Variants in PDS5A observed in about 807,000 individuals in gnomAD.
The protein encoded by PDS5A is PDS5 cohesin associated factor A, also known as sister chromatid cohesion protein PDS5 homolog A.
A neutral mutation model predicts 167.1 loss-of-function variants in PDS5A; 42 were observed. The observed-to-expected ratio is 0.25, with a 90% confidence interval of 0.20 to 0.33. The LOEUF (loss-of-function observed/expected upper bound fraction) is 0.33, where lower values mean the gene tolerates loss of function less well. Among genes scored for constraint, PDS5A ranks in the 10% least tolerant of loss-of-function variants. The probability of loss-of-function intolerance (pLI) is 1.00; values close to 1 mark genes in which losing one functional copy is unlikely to be tolerated. For synonymous variants in PDS5A, 553 were observed against 554.6 expected, an observed-to-expected ratio of 1.00 and a Z score of 0.04; for missense variants, 1,033 against 1,605.9, an observed-to-expected ratio of 0.64 and a Z score of 6.10.
In PDS5A at chr4:39,837,746, C is replaced by G. The variant is rs189833303; in HGVS notation, c.4010+110G>C. On this transcript the variant is annotated intron_variant, in intron 32 of 32. Transcript: ENST00000303538. ...TAAACGGACCCAGGAAAACCAGATG[C>G]AGGTTTCTCTCTCAAATGCTTAGGT... The G allele has an allele frequency of 1.5e-4, 107 of 727,082 alleles. 1 individual carries two copies. The African/African-American group carries it at 1.8e-3, about 12-fold the overall frequency. The allele number at this position is 727,082 out of a possible 1,614,324, so 45.0% of individuals were successfully genotyped here.
chr4:39,943,156 A>ATG (rs1560504518), intron 2 of PDS5A, among the ~76,000 whole-genome samples: 4 of 149,420 alleles, frequency 2.7e-5, no homozygotes, highest in Non-Finnish European at 5.9e-5. Flanking sequence ...ACACACACAC[A>ATG]CACACACACA....
chr4:39,957,188 C>T (rs894717576), intron 2 of PDS5A, among the ~76,000 whole-genome samples: 16 of 151,974 alleles, frequency 1.1e-4, no homozygotes, highest in African/African-American at 3.9e-4. Flanking sequence ...GAACTTAACC[C>T]AATTTTCAAG....
At chr4:39,949,525 A>G (rs939500415) in intron 2 of PDS5A, among the ~76,000 whole-genome samples, 3 of 151,960 alleles carry the variant, frequency 2.0e-5, no homozygotes, top group Admixed American at 6.6e-5. Context: ...TTTTGAGATG[A>G]TAACTGTTCT....
chr4:39,882,720 C>T (rs747713718), intron 17 of PDS5A, among the ~76,000 whole-genome samples: 5 of 152,254 alleles, frequency 3.3e-5, no homozygotes, highest in Non-Finnish European at 5.9e-5. Flanking sequence ...CACCAGTATG[C>T]GTCAAGGAGC....
Position 39,862,938 on chromosome 4 carries a change from C to T in PDS5A, c.2902G>A (p.Ala968Thr). 1 of 1,613,208 alleles carries T rather than the reference C, an allele frequency of 6.2e-7. No homozygotes were observed. Among genetic ancestry groups the T allele is most frequent in the South Asian group, 1.1e-5 (1 of 91,072 alleles). The change falls in exon 25 of 33, where the codon GCA (alanine) becomes ACA (threonine). Residue 968 changes from alanine (A) to threonine (T), a missense_variant. By Grantham distance (58) the Ala-to-Thr change is moderately conservative. Transcript: ENST00000303538. ...KDPVKERRAH[A>T]RQCLLKNISI... The stretch of plus-strand genomic sequence containing the variant: ...ATATTTTTCAGTAAACATTGTCGTG[C>T]GTGTGCTCTTCTCTCCTTCACAGGA...
intron 30 of PDS5A, among the ~76,000 whole-genome samples, chr4:39,843,578 G>A (rs927944814): frequency 3.3e-5 from 5 of 151,992 alleles, no homozygotes; most frequent in Non-Finnish European, 7.4e-5. Context: ...TGGGAGTGGT[G>A]GCGTGTGCCT....
intron 16 of PDS5A, among the ~76,000 whole-genome samples, chr4:39,891,478 A>T (rs1241435820): frequency 3.3e-5 from 5 of 151,434 alleles, no homozygotes; most frequent in African/African-American, 4.8e-5. Context: ...GAGAAACCCC[A>T]TCTCTATTAA....
At chr4:39,860,272 C>T (rs1169138705) in intron 26 of PDS5A, among the ~76,000 whole-genome samples, 2 of 151,966 alleles carry the variant, frequency 1.3e-5, no homozygotes, top group Non-Finnish European at 2.9e-5. Context: ...GGAGACCAGC[C>T]TGGGCAACAT....
chr4:39,894,697 T>C (rs1722243007), intron 16 of PDS5A, among the ~76,000 whole-genome samples: 1 of 152,330 alleles, frequency 6.6e-6, no homozygotes, highest in Middle Eastern at 3.4e-3. Context: ...CCATCAACTC[T>C]AATCCCTTCT....
At chr4:39,967,644 C>A (rs1394607786) in intron 2 of PDS5A, among the ~76,000 whole-genome samples, 5 of 151,306 alleles carry the variant, frequency 3.3e-5, no homozygotes, top group Non-Finnish European at 5.9e-5. Context: ...AAGACTCCAT[C>A]TCAAAAAATA....
At chr4:39,860,180 T>C (rs1385391930) in intron 26 of PDS5A, among the ~76,000 whole-genome samples, 1 of 152,100 alleles carries the variant, frequency 6.6e-6, no homozygotes, top group Non-Finnish European at 1.5e-5. Context: ...TCAGTACATC[T>C]TGGCCGGGCA....
intron 2 of PDS5A, among the ~76,000 whole-genome samples, chr4:39,936,057 C>T (rs146420203): frequency 7.4e-4 from 112 of 152,140 alleles, no homozygotes; most frequent in African/African-American, 2.6e-3. Context: ...AGAAGCAAGG[C>T]GCAAATGGGG....
At chr4:39,826,666 TA>T (rs1715355622) in intron 32 of PDS5A, among the ~76,000 whole-genome samples, 1 of 151,892 alleles carries the variant, frequency 6.6e-6, no homozygotes. Context: ...TTTGTATTTT[TA>T]GTAGAGACGG....
chr4:39,918,206 A>G (rs996700349), intron 7 of PDS5A, among the ~76,000 whole-genome samples: 1 of 149,226 alleles, frequency 6.7e-6, no homozygotes, highest in Admixed American at 6.7e-5. Context: ...AAAAAACAGA[A>G]TAATTTTTCC....
intron 2 of PDS5A, among the ~76,000 whole-genome samples, chr4:39,934,687 T>C (rs930425409): frequency 6.6e-6 from 1 of 151,628 alleles, no homozygotes; most frequent in African/African-American, 2.4e-5. Flanking sequence ...GCTAGGTTTT[T>C]ATAATATTGA....
At chr4:39,845,144 G>A (rs1717477389) in intron 29 of PDS5A, among the ~76,000 whole-genome samples, 1 of 152,100 alleles carries the variant, frequency 6.6e-6, no homozygotes, top group Non-Finnish European at 1.5e-5. Flanking sequence ...GGAGGTGAAG[G>A]TTGCAGTGAG....
At chr4:39,830,173 T>C (rs1395796401) in intron 32 of PDS5A, among the ~76,000 whole-genome samples, 3 of 151,928 alleles carry the variant, frequency 2.0e-5, no homozygotes, top group Non-Finnish European at 4.4e-5. Flanking sequence ...AGGTCAGATA[T>C]CTGCTCATAA....
rs1250009053 is a variant in PDS5A at position 39,838,110 on chromosome 4, T to C, written c.3756A>G (p.Lys1252=). 2 of 1,613,784 alleles carry C rather than the reference T, an allele frequency of 1.2e-6. No homozygotes were observed. Among genetic ancestry groups the C allele is most frequent in the Non-Finnish European group, 1.7e-6 (2 of 1,179,868 alleles). Reference sequence around the variant, plus strand: ...CCGATTCATCTACTTTCTCATCTGTTTTTTGTTGGATATTCTCTGCACCAG... The same window carrying C: ...CCGATTCATCTACTTTCTCATCTGTCTTTTGTTGGATATTCTCTGCACCAG... ...TAAGAENIQQ[K]TDEKVDESGP... Residue 1252 remains lysine (K), a synonymous_variant, in exon 32 of 33, where the codon AAA becomes AAG. Coordinates refer to ENST00000303538, the MANE Select transcript of PDS5A (RefSeq NM_001100399.2).
At chr4:39,963,015 C>T (rs1231972475) in intron 2 of PDS5A, among the ~76,000 whole-genome samples, 1 of 151,178 alleles carries the variant, frequency 6.6e-6, no homozygotes, top group Admixed American at 6.6e-5. Flanking sequence ...ATATGTTTAC[C>T]ACAATTAAAA....
Sources: gnomAD v4.1 joint callset for allele counts (sites outside exome capture counted in the v4.1 genomes callset) on GRCh38, gnomAD v4.1.1 for gene constraint, MANE v1.5 for transcripts, NCBI Gene and HGNC (gene_info 2026-07-23, HGNC 2026-07-21) for gene names.